The following ARFGEF1 variants were observed in gnomAD, a reference collection of about 807,000 sequenced individuals.
The protein encoded by ARFGEF1 is brefeldin A-inhibited guanine nucleotide-exchange protein 1.
ARFGEF1 carries 42 observed loss-of-function variants against 231.0 expected under a neutral mutation model. The ratio of observed to expected loss-of-function variants is 0.18; its 90% confidence interval spans 0.14 to 0.24. The LOEUF is 0.24. ARFGEF1 is among the 10% of genes least tolerant of loss of function. The probability of loss-of-function intolerance (pLI) is 1.00; values close to 1 mark genes in which losing one functional copy is unlikely to be tolerated. For synonymous variants in ARFGEF1, 710 were observed against 732.3 expected, an observed-to-expected ratio of 0.97 and a Z score of 0.49; for missense variants, 1,345 against 2,192.0, an observed-to-expected ratio of 0.61 and a Z score of 7.72.
At chr8:67,180,032 A>C in intron 5 of ARFGEF1, 1 of 575,180 alleles carries the variant, frequency 1.7e-6, no homozygotes. Context: ...GTAAAAAAAA[A>C]AAAAGGAATA....
chr8:67,265,986 C>T lies in ARFGEF1; in HGVS notation c.2123+20G>A, dbSNP rs1428180273. 6.2e-7 allele frequency: 1 copy of T among 1,610,800 alleles called. No individual in the cohort carries two copies. The highest frequency in any genetic ancestry group is 1.1e-5 in the South Asian group (1 of 90,956). On this transcript the variant is annotated intron_variant, in intron 14 of 38. Coordinates refer to ENST00000262215, the MANE Select transcript of ARFGEF1 (RefSeq NM_006421.5). ...CAGAGAGATATTCAATAACATTTCT[C>T]CTTAAGCTATGACACTTACAAATCT...
At chr8:67,200,238 G>T in intron 38 of ARFGEF1, 158 bp downstream of exon 38, 3 of 693,790 alleles carry the variant, frequency 4.3e-6, no homozygotes, top group Non-Finnish European at 8.0e-6. Flanking sequence ...GACTGAGGAA[G>T]ATACAGCAAG....
chr8:67,330,291 AAG>A lies in ARFGEF1; in HGVS notation c.124+12871_124+12872del, dbSNP rs200070307. Reference sequence around the variant, plus strand: ...TAAAGGTAGCCATATATACAAGTTTAAGAGAGTATATGTTGGCATACTCATTG... The same window carrying A: ...TAAAGGTAGCCATATATACAAGTTTAAGAGTATATGTTGGCATACTCATTG... On this transcript the variant is annotated intron_variant, in intron 1 of 38. Coordinates refer to ENST00000262215, the MANE Select transcript of ARFGEF1 (RefSeq NM_006421.5). Among the ~76,000 whole-genome samples, 19 of 152,226 alleles carry A rather than the reference AAG, an allele frequency of 1.2e-4. No individual in the cohort carries two copies. The East Asian group carries it at 3.7e-3, about 29-fold the overall frequency.
intron 7 of ARFGEF1, among the ~76,000 whole-genome samples, chr8:67,281,529 T>TAA (rs968718365): frequency 3.4e-5 from 5 of 147,008 alleles, no homozygotes; most frequent in Non-Finnish European, 6.0e-5. Context: ...GCAATAATGT[T>TAA]AAAAAAAAAA....
At chr8:67,275,329 C>A (rs1037192373) in intron 9 of ARFGEF1, among the ~76,000 whole-genome samples, 3 of 151,978 alleles carry the variant, frequency 2.0e-5, no homozygotes, top group Non-Finnish European at 4.4e-5. Context: ...AGATACTTGA[C>A]CATTTATGAC....
chr8:67,324,091 G>A (rs752236799), intron 1 of ARFGEF1, among the ~76,000 whole-genome samples: 5 of 152,134 alleles, frequency 3.3e-5, no homozygotes, highest in African/African-American at 4.8e-5. Flanking sequence ...GTGAGCCACC[G>A]CAGCCAGCCA....
chr8:67,307,956 T>G (rs1286049110), intron 1 of ARFGEF1, among the ~76,000 whole-genome samples: 3 of 152,222 alleles, frequency 2.0e-5, no homozygotes, highest in Non-Finnish European at 4.4e-5. Flanking sequence ...AATAGAATAC[T>G]GGCTTTCCAG....
intron 34 of ARFGEF1, among the ~76,000 whole-genome samples, chr8:67,210,587 A>G (rs939678440): frequency 2.0e-5 from 3 of 152,164 alleles, no homozygotes; most frequent in African/African-American, 7.2e-5. Flanking sequence ...GCTAGGCCCT[A>G]CTTTTGCAGA....
intron 29 of ARFGEF1, among the ~76,000 whole-genome samples, chr8:67,221,182 T>C (rs1180233901): frequency 6.6e-6 from 1 of 152,228 alleles, no homozygotes; most frequent in African/African-American, 2.4e-5. Flanking sequence ...TAACAATTAA[T>C]GTATTTACTA....
At chr8:67,285,768 C>T (rs1474153579) in intron 7 of ARFGEF1, among the ~76,000 whole-genome samples, 1 of 152,080 alleles carries the variant, frequency 6.6e-6, no homozygotes, top group Non-Finnish European at 1.5e-5. Flanking sequence ...TATATTTAAT[C>T]TAAACTAATC....
rs368714166 is a variant in ARFGEF1, at chr8:67,334,136, CAAAA to C, written c.124+9024_124+9027del. Among the ~76,000 whole-genome samples the C allele has an allele frequency of 7.1e-4, 31 of 43,732 alleles. 1 individual carries two copies. Among genetic ancestry groups the C allele is most frequent in the African/African-American group, 1.7e-3 (23 of 13,158 alleles). 28.7% of individuals were successfully genotyped at this position (43,732 alleles called of 152,430 possible). On this transcript the variant is annotated intron_variant, in intron 1 of 38. Transcript: ENST00000262215. ...GAGCAACAATAGCTAAACTCCGTCT[CAAAA>C]AAAAAAAAAAAAAAAAAGAATAGTG... is the stretch of plus-strand genomic sequence containing the variant.
intron 1 of ARFGEF1, among the ~76,000 whole-genome samples, chr8:67,304,706 C>T (rs1382193126): frequency 6.6e-6 from 1 of 152,194 alleles, no homozygotes; most frequent in Admixed American, 6.5e-5. Context: ...GTAGTCCCAG[C>T]TACTTGGGAG....
At chr8:67,262,899 C>A (rs543277669) in intron 14 of ARFGEF1, among the ~76,000 whole-genome samples, 45 of 152,060 alleles carry the variant, frequency 3.0e-4, no homozygotes, top group Non-Finnish European at 6.0e-4. Context: ...ACTGAGAAAT[C>A]AAAAAAATGG....
At chr8:67,234,931 T>C (rs1426759306) in intron 22 of ARFGEF1, among the ~76,000 whole-genome samples, 1 of 151,884 alleles carries the variant, frequency 6.6e-6, no homozygotes, top group African/African-American at 2.4e-5. Context: ...CACAGCATGT[T>C]ACAGGAATTT....
chr8:67,305,805 C>G (rs954157086), intron 1 of ARFGEF1, among the ~76,000 whole-genome samples: 1 of 152,152 alleles, frequency 6.6e-6, no homozygotes, highest in Non-Finnish European at 1.5e-5. Context: ...AAGACCTCAG[C>G]GGATGCCTGA....
In ARFGEF1 at chr8:67,186,418, T is replaced by TA. The variant is rs60962928; in HGVS notation, c.561-10847dup. On this transcript the variant is annotated intron_variant, in intron 5 of 5. Transcript: ENST00000518789. ...TGAAATAAACCTCACTGTTTTAAATTAAAAAAAAAAAAAAAAAGTCCAAGA... is the reference window on the plus strand; with the variant it reads ...TGAAATAAACCTCACTGTTTTAAATTAAAAAAAAAAAAAAAAAAGTCCAAGA... Among the ~76,000 whole-genome samples, 122 of 140,508 alleles carry TA rather than the reference T, an allele frequency of 8.7e-4. 1 individual carries two copies. Among genetic ancestry groups the TA allele is most frequent in the East Asian group, 2.1e-3 (10 of 4,826 alleles). The allele number at this position is 140,508 out of a possible 152,430, so 92.2% of individuals were successfully genotyped here. A position where few individuals can be genotyped will look rare whatever the true frequency, so the allele number is the denominator to read the frequency against.
chr8:67,277,206 C>T, intron 8 of ARFGEF1, 76 bp downstream of exon 8: 2 of 1,411,418 alleles, frequency 1.4e-6, no homozygotes, highest in South Asian at 1.3e-5. Flanking sequence ...TGAAAATACT[C>T]ATGACAAGGT....
chr8:67,217,536 C>T (rs1158327239), intron 32 of ARFGEF1, among the ~76,000 whole-genome samples: 3 of 151,998 alleles, frequency 2.0e-5, no homozygotes, highest in Admixed American at 2.0e-4. Context: ...AGAATCACTT[C>T]ATTATGTCCC....
Position 67,183,960 on chromosome 8 carries a change from C to T in ARFGEF1, c.561-8388G>A, listed in dbSNP as rs187754783. On this transcript the variant is annotated intron_variant, in intron 5 of 5. Coordinates refer to the ARFGEF1 transcript ENST00000518789. ...CTCCGCCTCCCGGGTTCAAGCGATT[C>T]TCCTGACTCAGTCTCCCAAGTAGTT... 5.5e-3 allele frequency among the ~76,000 whole-genome samples: 810 copies of T among 146,810 alleles called. 11 individuals are homozygous for T. The highest frequency in any genetic ancestry group is 0.02 in the African/African-American group (774 of 39,458).
Sources: allele counts gnomAD v4.1 joint callset (sites outside exome capture counted in the v4.1 genomes callset), GRCh38; gene constraint gnomAD v4.1.1; transcripts MANE v1.5; gene names NCBI Gene and HGNC (gene_info 2026-07-23, HGNC 2026-07-21).